The following CYGB variants were observed in gnomAD, a reference collection of about 807,000 sequenced individuals.
The protein encoded by CYGB is cytoglobin.
In CYGB, 13 loss-of-function variants were observed where a neutral mutation model predicts 20.7. The ratio of observed to expected loss-of-function variants is 0.63; its 90% CI spans 0.41 to 1.00. The LOEUF (loss-of-function observed/expected upper bound fraction) is 1.00. Ranked by LOEUF, CYGB falls within the 50% of genes least tolerant of loss-of-function variation. The probability of loss-of-function intolerance (pLI) is 0.00; values close to 1 mark genes in which losing one functional copy is unlikely to be tolerated. For synonymous variants in CYGB, 93 were observed against 107.4 expected (o/e 0.87, Z 0.83); for missense variants, 218 against 257.2 (o/e 0.85, Z 1.04).
chr17:76,547,251 A>G lies in CYGB; in HGVS notation c.-53+3611T>C, dbSNP rs2075060818. On this transcript the variant is annotated intron_variant, in intron 1 of 3. Transcript: ENST00000589145. ...TGGTGGCCTCTGGCAGGGATGACAG[A>G]CAGCGAGGTCATCACCCACAGTCAC... The G allele has an allele frequency of 2.0e-5, 3 of 152,338 alleles. 1 individual carries two copies. In the South Asian group the frequency reaches 6.2e-4, roughly 32 times the overall value. The allele number at this position is 152,338 out of a possible 1,614,324, so 9.4% of individuals were successfully genotyped here. A position where few individuals can be genotyped will look rare whatever the true frequency, so the allele number is the denominator to read the frequency against.
intron 1 of CYGB, among the ~76,000 whole-genome samples, chr17:76,548,623 C>T (rs1320306656): frequency 2.0e-5 from 3 of 152,162 alleles, no homozygotes; most frequent in East Asian, 3.8e-4. Context: ...GGAGTGAGGA[C>T]GCAGAGGACT....
intron 1 of CYGB, chr17:76,544,919 G>A (rs1381883770): frequency 6.6e-6 from 3 of 456,662 alleles, no homozygotes; most frequent in Admixed American, 2.3e-5. Context: ...GAGAACCTGC[G>A]CAGGAGGTGG....
chr17:76,540,447 G>A, upstream of CYGB: 10 of 1,580,124 alleles, frequency 6.3e-6, no homozygotes, highest in South Asian at 7.7e-5. This position sits in a 1 kb window ranked among gnomAD's most constrained non-coding sequence, Gnocchi z 5.0. Flanking sequence ...ACCTGTGGAG[G>A]GACAGTGAGG....
chr17:76,528,748 G>A lies in CYGB; in HGVS notation c.540-137C>T, dbSNP rs543166692. On this transcript the variant is annotated intron_variant, in intron 3 of 3. Coordinates refer to ENST00000293230, the MANE Select transcript of CYGB (RefSeq NM_134268.5). This position sits in a 1 kb window ranked among gnomAD's most constrained non-coding sequence, Gnocchi z 5.8. ...CGGCACAGTGCAGTTGAAAGCAACC[G>A]TGAGACCCAAGTTCTAGTCTCCGTC... The A allele has an allele frequency of 8.0e-5, 83 of 1,037,198 alleles. No individual in the cohort carries two copies. The highest frequency in any genetic ancestry group is 2.1e-4 in the Admixed American group (5 of 23,462). The allele number at this position is 1,037,198 out of a possible 1,614,324, so 64.2% of individuals were successfully genotyped here.
At chr17:76,534,128 TTCTC>T (rs1436503180) in intron 1 of CYGB, among the ~76,000 whole-genome samples, 10 of 133,428 alleles carry the variant, frequency 7.5e-5, no homozygotes, top group South Asian at 2.6e-4. Context: ...CTTTCTTTCT[TTCTC>T]TCTCTCTTTC....
In CYGB at chr17:76,530,194, T is replaced by A. The variant is rs1385129366; in HGVS notation, c.539+785A>T. ...CTTCCCATTCCCGCCTCCGCTCCTC[T>A]CCTCCTTCCTACTCCAGCCCTGCCT... On this transcript the variant is annotated intron_variant, in intron 3 of 3. Coordinates refer to ENST00000293230, the MANE Select transcript of CYGB (RefSeq NM_134268.5). This position sits in a 1 kb window ranked among gnomAD's most constrained non-coding sequence, Gnocchi z 6.1. 6.6e-6 allele frequency among the ~76,000 whole-genome samples: 1 copy of A among 151,988 alleles called. No individual in the cohort carries two copies. Among genetic ancestry groups the A allele is most frequent in the Non-Finnish European group, 1.5e-5 (1 of 67,976 alleles).
chr17:76,544,804 T>C (rs1478430883), intron 1 of CYGB: 1 of 456,818 alleles, frequency 2.2e-6, no homozygotes, highest in Non-Finnish European at 4.4e-6. Context: ...TCCGAGTTGC[T>C]CATCTCCTTC....
chr17:76,529,800 T>G, intron 3 of CYGB: 1 of 985,266 alleles, frequency 1.0e-6, no homozygotes, highest in Non-Finnish European at 1.2e-6. Flanking sequence ...TGTTTCCCAT[T>G]GACTCCCAGG....
At position 76,531,599 on chromosome 17, in the gene CYGB, C is replaced by T. The variant is rs751254763; in HGVS notation, c.236G>A (p.Arg79Gln). 1.7e-5 allele frequency: 28 copies of T among 1,613,884 alleles called. No homozygotes were observed. Among genetic ancestry groups the T allele is most frequent in the South Asian group, 2.2e-5 (2 of 91,088 alleles). The change falls in exon 2 of 4, where the codon CGG (arginine) becomes CAG (glutamine). Residue 79 changes from arginine to glutamine, a missense_variant. Coordinates refer to ENST00000293230, the MANE Select transcript of CYGB (RefSeq NM_134268.5). The surrounding 1 kb of genome is among the most constrained non-coding windows in gnomAD (Gnocchi z 7.4). ...PLEMERSPQL[R>Q]KHACRVMGAL... is the part of the protein sequence containing the mutation. ...CCCCATGACTCGGCAGGCGTGCTTC[C>T]GCAGCTGGGGGCTCCGCTCCATCTC...
intron 1 of CYGB, among the ~76,000 whole-genome samples, chr17:76,535,324 G>A (rs755417395): frequency 6.6e-6 from 1 of 152,214 alleles, no homozygotes; most frequent in Non-Finnish European, 1.5e-5. Context: ...TCTTGACCTT[G>A]AGGATGTGTA....
intron 1 of CYGB, among the ~76,000 whole-genome samples, chr17:76,547,847 ACACACAGACATACACATATACATATT>A (rs1002576707): frequency 1.5e-5 from 2 of 129,786 alleles, no homozygotes; most frequent in Non-Finnish European, 3.1e-5. Context: ...ACATTCACAC[ACACACAGACATACACATATACATATT>A]CACACACATA....
At chr17:76,529,067 C>T (rs865795811) in intron 3 of CYGB, 56 of 411,482 alleles carry the variant, frequency 1.4e-4, no homozygotes, top group African/African-American at 7.3e-4. Context: ...CCCCCACCCA[C>T]GCAAAGGCGC....
intron 1 of CYGB, among the ~76,000 whole-genome samples, chr17:76,535,856 A>G (rs2074908178): frequency 6.6e-6 from 1 of 152,142 alleles, no homozygotes; most frequent in Non-Finnish European, 1.5e-5. Context: ...CCGCACAGGT[A>G]CCTGGCAGGG....
Position 76,527,907 on chromosome 17 carries a change from G to A in CYGB, c.*671C>T, listed in dbSNP as rs1420773699. The A allele has an allele frequency of 1.4e-5, 6 of 424,588 alleles. No individual in the cohort carries two copies. The highest frequency in any genetic ancestry group is 7.1e-5 in the East Asian group (1 of 14,010). The allele number at this position is 424,588 out of a possible 1,614,324, so 26.3% of individuals were successfully genotyped here. A position where few individuals can be genotyped will look rare whatever the true frequency, so the allele number is the denominator to read the frequency against. ...TGGAAGTGGAATTCAGGAATGTGGGGAGCTGGTCTGAGAAGGGGCTGGGCT... is the reference window on the plus strand; with the variant it reads ...TGGAAGTGGAATTCAGGAATGTGGGAAGCTGGTCTGAGAAGGGGCTGGGCT... On this transcript the variant is annotated 3_prime_UTR_variant, in exon 4 of 4. Transcript: ENST00000293230.
chr17:76,534,649 T>A (rs941518293), intron 1 of CYGB, among the ~76,000 whole-genome samples: 1 of 152,218 alleles, frequency 6.6e-6, no homozygotes, highest in Admixed American at 6.5e-5. Context: ...GGAATTGATG[T>A]CCAAGATTGC....
chr17:76,548,617 T>A (rs1402555233), intron 1 of CYGB, among the ~76,000 whole-genome samples: 1 of 151,906 alleles, frequency 6.6e-6, no homozygotes, highest in East Asian at 1.9e-4. Context: ...TGGGCTGGAG[T>A]GAGGACGCAG....
chr17:76,540,315 T>A, upstream of CYGB: 3 of 1,395,100 alleles, frequency 2.2e-6, no homozygotes, highest in Non-Finnish European at 3.0e-6. The surrounding 1 kb of genome is among the most constrained non-coding windows in gnomAD (Gnocchi z 5.0). Context: ...TGCGTGAACC[T>A]TCAGCGGGGC....
intron 1 of CYGB, chr17:76,544,383 G>A (rs1259293191): frequency 2.0e-5 from 9 of 454,736 alleles, no homozygotes; most frequent in East Asian, 1.4e-4. Context: ...GAGGGATGCC[G>A]CAGAGCAGAG....
intron 1 of CYGB, among the ~76,000 whole-genome samples, chr17:76,536,922 GCT>G (rs1028342069): frequency 6.0e-4 from 91 of 152,302 alleles, no homozygotes; most frequent in African/African-American, 2.1e-3. Flanking sequence ...TCTGCTCTTT[GCT>G]CTCTGTTCTT....
Sources: gnomAD v4.1 joint callset for allele counts (sites outside exome capture counted in the v4.1 genomes callset) on GRCh38, gnomAD v4.1.1 for gene constraint, Gnocchi (gnomAD v3.1) non-coding constraint, MANE v1.5 for transcripts, NCBI Gene and HGNC (gene_info 2026-07-23, HGNC 2026-07-21) for gene names.